BLOC1S6: variants seen among roughly 807,000 people sequenced by gnomAD.
BLOC1S6 encodes biogenesis of lysosome-related organelles complex 1 subunit 6.
In BLOC1S6, 24 loss-of-function variants were observed where a neutral mutation model predicts 24.7. The ratio of observed to expected loss-of-function variants is 0.97; its 90% CI spans 0.70 to 1.37. BLOC1S6 has a LOEUF of 1.37. BLOC1S6 is among the 40% of genes most tolerant of loss of function. The pLI, the probability that BLOC1S6 is intolerant of heterozygous loss-of-function variation, is 0.00. For synonymous variants in BLOC1S6, 76 were observed against 72.6 expected (o/e 1.05, Z -0.23); for missense variants, 175 against 196.2 (o/e 0.89, Z 0.64).
chr15:45,602,792 T>TA (rs1242492119), intron 2 of BLOC1S6, among the ~76,000 whole-genome samples: 2 of 152,298 alleles, frequency 1.3e-5, no homozygotes, highest in South Asian at 2.1e-4. Context: ...CAAAATACTA[T>TA]AAAAAACTTC....
intron 3 of BLOC1S6, 119 bp from the exon 4 acceptor site, chr15:45,605,309 C>T: frequency 1.4e-6 from 1 of 708,768 alleles, no homozygotes; most frequent in Non-Finnish European, 2.5e-6. Context: ...GAAGATAAGG[C>T]TGTAAAAATT....
rs1415976488 is a variant in BLOC1S6, at chr15:45,606,632, C to T, written c.*118C>T. 7.0e-7 allele frequency: 1 copy of T among 1,421,202 alleles called. No individual in the cohort carries two copies. Among genetic ancestry groups the T allele is most frequent in the Non-Finnish European group, 9.9e-7 (1 of 1,010,718 alleles). 88.0% of individuals were successfully genotyped at this position (1,421,202 alleles called of 1,614,324 possible). On this transcript the variant is annotated 3_prime_UTR_variant, in exon 5 of 5. Coordinates refer to ENST00000220531, the MANE Select transcript of BLOC1S6 (RefSeq NM_012388.4). ...TATGTCATATGTTGAAATCCTTATT[C>T]CGGTATTACTGTGTCTCCATGCCTT...
chr15:45,587,482 G>T lies in BLOC1S6; in HGVS notation c.39G>T (p.Leu13=). The change falls in exon 1 of 5, where the codon CTG becomes CTT. Residue 13 remains leucine (L), a synonymous_variant. Transcript: ENST00000220531. ...GGCCGTCGTCTCCGGACGGGGCCCT[G>T]ACACGGCCACCCTACTGCCTGGAGG... is the stretch of plus-strand genomic sequence containing the variant. ...VPGPSSPDGA[L]TRPPYCLEAG... 2 of 1,585,850 alleles carry T rather than the reference G, an allele frequency of 1.3e-6. No individual in the cohort carries two copies. Among genetic ancestry groups the T allele is most frequent in the South Asian group, 2.3e-5 (2 of 87,202 alleles).
intron 2 of BLOC1S6, among the ~76,000 whole-genome samples, chr15:45,600,386 C>G (rs894429383): frequency 5.3e-5 from 8 of 151,914 alleles, no homozygotes; most frequent in Non-Finnish European, 1.2e-4. Context: ...ATAGCTTGTT[C>G]TAGTTTTAGG....
chr15:45,603,163 T>C lies in BLOC1S6; in HGVS notation c.288T>C (p.His96=). 1 of 1,605,662 alleles carries C rather than the reference T, an allele frequency of 6.2e-7. No individual in the cohort carries two copies. The highest frequency in any genetic ancestry group is 1.7e-5 in the Admixed American group (1 of 59,920). Residue 96 remains histidine (H), a synonymous_variant, in exon 3 of 5, where the codon CAT becomes CAC. Coordinates refer to ENST00000220531, the MANE Select transcript of BLOC1S6 (RefSeq NM_012388.4). The part of the protein sequence containing the change: ...EQEISKFKEC[H]SMLDINALFA... Reference sequence around the variant, plus strand: ...AGATTTCAAAATTTAAAGAATGTCATTCTATGTTGGATATTAATGCTTTGG... The same window carrying C: ...AGATTTCAAAATTTAAAGAATGTCACTCTATGTTGGATATTAATGCTTTGG...
At chr15:45,589,483 AGTGTCC>A (rs1893806050) in intron 1 of BLOC1S6, among the ~76,000 whole-genome samples, 1 of 152,248 alleles carries the variant, frequency 6.6e-6, no homozygotes, top group Non-Finnish European at 1.5e-5. Flanking sequence ...GCCTTAGCTC[AGTGTCC>A]ACACTTCCTT....
At chr15:45,587,337 G>A (rs2140898915), upstream of BLOC1S6, 1 of 1,108,514 alleles carries the variant, frequency 9.0e-7, no homozygotes, top group East Asian at 2.6e-5. Context: ...GTCACTTCCG[G>A]GTGCGACAAT....
chr15:45,587,796 G>T, intron 1 of BLOC1S6: 1 of 701,794 alleles, frequency 1.4e-6, no homozygotes, highest in Non-Finnish European at 2.6e-6. Flanking sequence ...TGTTGACTCC[G>T]GTACGTCATT....
intron 2 of BLOC1S6, among the ~76,000 whole-genome samples, chr15:45,593,386 G>GA (rs59495378): frequency 0.07 from 4,406 of 62,794 alleles, 222 homozygotes; most frequent in Non-Finnish European, 0.11. Flanking sequence ...CTCTGTCTCC[G>GA]AAAAAAAAAA....
intron 2 of BLOC1S6, among the ~76,000 whole-genome samples, chr15:45,602,606 GA>G (rs1343914828): frequency 6.6e-6 from 1 of 152,194 alleles, no homozygotes; most frequent in Non-Finnish European, 1.5e-5. Context: ...GTTGGCCGGG[GA>G]AAGCTATGAT....
In BLOC1S6 at chr15:45,592,216, GA is replaced by G; in HGVS notation, c.165del (p.Leu56CysfsTer27). ...AAAGCAGTGGAGCAACTGGCAGAAGGATTGCTTTCTCATTATTTGCCAGATC... is the reference window on the plus strand; with the variant it reads ...AAAGCAGTGGAGCAACTGGCAGAAGGTTGCTTTCTCATTATTTGCCAGATC... Reference protein sequence around the residue: ...EDKAVEQLAEGLLSHYLPDLQ... With the variant: ...EDKAVEQLAEXLLSHYLPDLQ... On this transcript the variant is annotated frameshift_variant, in exon 2 of 5. Transcript: ENST00000220531. LOFTEE classifies it high-confidence loss of function. The G allele has an allele frequency of 6.2e-7, 1 of 1,614,112 alleles. No homozygotes were observed.
intron 2 of BLOC1S6, among the ~76,000 whole-genome samples, chr15:45,597,020 G>A (rs1894102195): frequency 6.6e-6 from 1 of 152,164 alleles, no homozygotes; most frequent in South Asian, 2.1e-4. Context: ...GGTACTGTGA[G>A]TCTTCCAATT....
intron 3 of BLOC1S6, among the ~76,000 whole-genome samples, chr15:45,604,158 G>A (rs557181614): frequency 1.3e-5 from 2 of 152,190 alleles, no homozygotes; most frequent in African/African-American, 4.8e-5. Context: ...TACTTGAGGC[G>A]TGCAGTTTAA....
In BLOC1S6 at chr15:45,587,489, C is replaced by T; in HGVS notation, c.46C>T (p.Pro16Ser). Residue 16 changes from proline to serine, a missense_variant, in exon 1 of 5, where the codon CCA becomes TCA. Transcript: ENST00000220531. ...GTCTCCGGACGGGGCCCTGACACGG[C>T]CACCCTACTGCCTGGAGGCCGGGGA... ...PSSPDGALTRPPYCLEAGEPT... is the reference protein window; with the variant it reads ...PSSPDGALTRSPYCLEAGEPT... 1 of 1,585,784 alleles carries T rather than the reference C, an allele frequency of 6.3e-7. No individual in the cohort carries two copies. Among genetic ancestry groups the T allele is most frequent in the Non-Finnish European group, 8.6e-7 (1 of 1,165,772 alleles).
intron 2 of BLOC1S6, among the ~76,000 whole-genome samples, chr15:45,596,662 G>A (rs1566901637): frequency 6.6e-6 from 1 of 151,538 alleles, no homozygotes; most frequent in Non-Finnish European, 1.5e-5. Flanking sequence ...CTTGATTTCT[G>A]TAGCTTTTTG....
At chr15:45,587,313 G>A, upstream of BLOC1S6, 1 of 902,926 alleles carries the variant, frequency 1.1e-6, no homozygotes, top group South Asian at 1.4e-5. Flanking sequence ...GAAGCCCGCA[G>A]TTTTTTCGCC....
At chr15:45,604,244 T>C (rs1311571660) in intron 3 of BLOC1S6, among the ~76,000 whole-genome samples, 3 of 148,852 alleles carry the variant, frequency 2.0e-5, no homozygotes, top group African/African-American at 7.9e-5. Context: ...ACTGTAGCCA[T>C]TCATGCATAC....
intron 4 of BLOC1S6, among the ~76,000 whole-genome samples, chr15:45,606,171 T>C (rs546828046): frequency 6.6e-6 from 1 of 152,314 alleles, no homozygotes; most frequent in South Asian, 2.1e-4. Flanking sequence ...GCTGATAGGC[T>C]TAGATTCTCT....
At chr15:45,597,198 T>A (rs1225391720) in intron 2 of BLOC1S6, among the ~76,000 whole-genome samples, 3 of 152,150 alleles carry the variant, frequency 2.0e-5, no homozygotes, top group African/African-American at 7.2e-5. Flanking sequence ...ATTGAAGGGC[T>A]GGGTGTGGTG....
Sources: gnomAD v4.1 joint callset for allele counts (sites outside exome capture counted in the v4.1 genomes callset) on GRCh38, gnomAD v4.1.1 for gene constraint, MANE v1.5 for transcripts, NCBI Gene and HGNC (gene_info 2026-07-23, HGNC 2026-07-21) for gene names.